The following ASB6 variants were observed in gnomAD, a reference collection of about 807,000 sequenced individuals.
ASB6 encodes the protein ankyrin repeat and SOCS box containing 6.
A neutral mutation model predicts 28.6 loss-of-function variants in ASB6; 24 were observed. The ratio of observed to expected loss-of-function variants is 0.84; its 90% confidence interval spans 0.61 to 1.18. The LOEUF (loss-of-function observed/expected upper bound fraction) is 1.18. Ranked by LOEUF, ASB6 falls within the 50% of genes most tolerant of loss-of-function variation. ASB6 has a pLI of 0.00. For missense variants in ASB6, 519 were observed against 559.8 expected, an observed-to-expected ratio of 0.93 and a Z score of 0.74; for synonymous variants, 267 against 243.4, an observed-to-expected ratio of 1.10 and a Z score of -0.90.
intron 2 of ASB6, 169 bp downstream of exon 2, chr9:129,640,372 G>T (rs1217142178): frequency 1.9e-5 from 16 of 861,926 alleles, no homozygotes; most frequent in East Asian, 6.0e-5. Context: ...AAACCCGCAG[G>T]GGGTGGGAGG....
At position 129,638,196 on chromosome 9, in the gene ASB6, T is replaced by C. The variant is rs1295848191; in HGVS notation, c.860A>G (p.Tyr287Cys). ...GGACGCACCGTGCAGGGAGCAGTTG[T>C]AGGCGGCTCCGGACTCCAGGAGGAA... ...LRFLLESGAA[Y>C]NCSLHGASCW... Residue 287 changes from tyrosine to cysteine, a missense_variant, in exon 6 of 6, where the codon TAC becomes TGC. Tyr to Cys is a radical substitution (Grantham distance 194, BLOSUM62 -2). Coordinates refer to ENST00000277458, the MANE Select transcript of ASB6 (RefSeq NM_017873.4). 11 of 1,613,564 alleles carry C rather than the reference T, an allele frequency of 6.8e-6. No individual in the cohort carries two copies. The highest frequency in any genetic ancestry group is 9.3e-6 in the Non-Finnish European group (11 of 1,179,858).
intron 1 of ASB6, among the ~76,000 whole-genome samples, chr9:129,641,534 C>T (rs1215710633): frequency 6.6e-6 from 1 of 152,234 alleles, no homozygotes; most frequent in Non-Finnish European, 1.5e-5. Flanking sequence ...AAAAGCCCAC[C>T]TTCACACTGC....
chr9:129,635,658 C>T lies in ASB6; in HGVS notation c.*2132G>A. 1.5e-6 allele frequency: 1 copy of T among 681,398 alleles called. No homozygotes were observed. Among genetic ancestry groups the T allele is most frequent in the East Asian group, 2.7e-5 (1 of 37,404 alleles). The allele number at this position is 681,398 out of a possible 1,614,324, so 42.2% of individuals were successfully genotyped here. A position where few individuals can be genotyped will look rare whatever the true frequency, so the allele number is the denominator to read the frequency against. On this transcript the variant is annotated 3_prime_UTR_variant, in exon 6 of 6. Transcript: ENST00000277458. ...ACCCGGCGGGGAGGGTGCTGCTGAA[C>T]CAGCGGTGAGGCAGGAGCCCAGACC...
rs1481523744 is a variant in ASB6 at position 129,635,208 on chromosome 9, GC to G, written c.*2581del. 1 of 1,606,856 alleles carries G rather than the reference GC, an allele frequency of 6.2e-7. No homozygotes were observed. Among genetic ancestry groups the G allele is most frequent in the Non-Finnish European group, 8.5e-7 (1 of 1,179,154 alleles). The stretch of plus-strand genomic sequence containing the variant: ...GTAACCTTGCCTCTGCCCTCCCCAG[GC>G]CACCTCACCGATCAGCACCTGGCCG... On this transcript the variant is annotated 3_prime_UTR_variant, in exon 6 of 6. Coordinates refer to ENST00000277458, the MANE Select transcript of ASB6 (RefSeq NM_017873.4).
In ASB6 at chr9:129,635,467, C is replaced by T. The variant is rs55943174; in HGVS notation, c.*2323G>A. ...TCTATAGCTTTGCCCTGAGATGAGC[C>T]GGGGCTGGCAGGAGAAACTGAGGAA... On this transcript the variant is annotated 3_prime_UTR_variant, in exon 6 of 6. Coordinates refer to ENST00000277458, the MANE Select transcript of ASB6 (RefSeq NM_017873.4). The T allele has an allele frequency of 3.9e-5, 62 of 1,603,074 alleles. No individual in the cohort carries two copies. Among genetic ancestry groups the T allele is most frequent in the Non-Finnish European group, 4.4e-5 (51 of 1,172,214 alleles).
At chr9:129,641,812 C>T in intron 1 of ASB6, 75 bp downstream of exon 1, 2 of 1,407,364 alleles carry the variant, frequency 1.4e-6, no homozygotes, top group South Asian at 1.4e-5. Context: ...TCCACCCCGC[C>T]CGGCTTGTGG....
At chr9:129,641,147 A>G (rs1296888670) in intron 1 of ASB6, 7 of 196,144 alleles carry the variant, frequency 3.6e-5, no homozygotes, top group African/African-American at 1.7e-4. Flanking sequence ...CAGGACAGCA[A>G]CACAGCCTCC....
chr9:129,641,889 G>A lies in ASB6; in HGVS notation c.111C>T (p.Asp37=), dbSNP rs1390869922. The change falls in exon 1 of 6, where the codon GAC becomes GAT. Residue 37 remains aspartate, a splice_region_variant and synonymous_variant. Transcript: ENST00000277458. ...IQDPERQESL[D]RPSYVASEES... is the part of the protein sequence containing the mutation. ...GCTCACGGGAGGGGGTGAGTTACCG[G>A]TCCAGAGACTCCTGCCGCTCGGGGT... is the stretch of plus-strand genomic sequence containing the variant. 6 of 1,595,852 alleles carry A rather than the reference G, an allele frequency of 3.8e-6. No individual in the cohort carries two copies. The highest frequency in any genetic ancestry group is 3.4e-5 in the South Asian group (3 of 88,694).
chr9:129,639,366 A>C, intron 3 of ASB6, 36 bp downstream of exon 3: 1 of 1,602,280 alleles, frequency 6.2e-7, no homozygotes, highest in Non-Finnish European at 8.5e-7. Context: ...GCCCCTGCCC[A>C]ACCCTGCTTC....
At position 129,634,935 on chromosome 9, in the gene ASB6, T is replaced by G; in HGVS notation, c.*2855A>C. ...CAAGCCTGGCAGGGGTGGGGCATCATGGTGTGTAGGTATCAGGCAGGACTT... is the reference window on the plus strand; with the variant it reads ...CAAGCCTGGCAGGGGTGGGGCATCAGGGTGTGTAGGTATCAGGCAGGACTT... On this transcript the variant is annotated 3_prime_UTR_variant, in exon 6 of 6. Transcript: ENST00000277458. The G allele has an allele frequency of 6.8e-6, 3 of 441,620 alleles. No individual in the cohort carries two copies. Among genetic ancestry groups the G allele is most frequent in the Non-Finnish European group, 1.2e-5 (3 of 243,988 alleles). The allele number at this position is 441,620 out of a possible 1,614,324, so 27.4% of individuals were successfully genotyped here. A position where few individuals can be genotyped will look rare whatever the true frequency, so the allele number is the denominator to read the frequency against.
chr9:129,638,235 A>C lies in ASB6; in HGVS notation c.821T>G (p.Phe274Cys). 3 of 1,613,544 alleles carry C rather than the reference A, an allele frequency of 1.9e-6. No individual in the cohort carries two copies. The highest frequency in any genetic ancestry group is 2.5e-6 in the Non-Finnish European group (3 of 1,179,932). The change falls in exon 6 of 6, where the codon TTC becomes TGC. Residue 274 changes from phenylalanine to cysteine, a missense_variant. Phe to Cys is a radical substitution (Grantham distance 205). Coordinates refer to ENST00000277458, the MANE Select transcript of ASB6 (RefSeq NM_017873.4). ...HICLKSFKLH[F>C]PLLRFLLESG... Reference sequence around the variant, plus strand: ...CTCCAGGAGGAAGCGCAGGAGAGGGAAGTGCAGTTTAAAGCTCTTCAGGCA... The same window carrying C: ...CTCCAGGAGGAAGCGCAGGAGAGGGCAGTGCAGTTTAAAGCTCTTCAGGCA...
Position 129,635,455 on chromosome 9 carries a change from CCT to C in ASB6, c.*2333_*2334del. The C allele has an allele frequency of 1.2e-6, 2 of 1,608,616 alleles. No individual in the cohort carries two copies. Among genetic ancestry groups the C allele is most frequent in the Non-Finnish European group, 1.7e-6 (2 of 1,176,280 alleles). ...AGATCTACCATGTCTATAGCTTTGC[CCT>C]GAGATGAGCCGGGGCTGGCAGGAGA... On this transcript the variant is annotated 3_prime_UTR_variant, in exon 6 of 6. Coordinates refer to ENST00000277458, the MANE Select transcript of ASB6 (RefSeq NM_017873.4).
chr9:129,638,518 G>A, intron 5 of ASB6, 55 bp downstream of exon 5: 1 of 1,610,912 alleles, frequency 6.2e-7, no homozygotes, highest in Non-Finnish European at 8.5e-7. Context: ...CAAAGCAACA[G>A]CACACATCGA....
In ASB6 at chr9:129,640,460, A is replaced by C. The variant is rs556489810; in HGVS notation, c.295+81T>G. 4.3e-4 allele frequency: 651 copies of C among 1,512,772 alleles called. 1 individual carries two copies. Among genetic ancestry groups the C allele is most frequent in the Non-Finnish European group, 5.1e-4 (579 of 1,134,700 alleles). 93.7% of individuals were successfully genotyped at this position (1,512,772 alleles called of 1,614,324 possible). A position where few individuals can be genotyped will look rare whatever the true frequency, so the allele number is the denominator to read the frequency against. ...AAGTCACTCCTCAGAGGATGGTAGA[A>C]GCCAAGGCTGGGGACATGGGCGCCC... On this transcript the variant is annotated intron_variant, in intron 2 of 5. Transcript: ENST00000277458.
Position 129,640,737 on chromosome 9 carries a change from A to G in ASB6, c.114-15T>C. 1 of 1,613,488 alleles carries G rather than the reference A, an allele frequency of 6.2e-7. No homozygotes were observed. The highest frequency in any genetic ancestry group is 8.5e-7 in the Non-Finnish European group (1 of 1,179,820). On this transcript the variant is annotated splice_polypyrimidine_tract_variant and intron_variant, in intron 1 of 5. Coordinates refer to ENST00000277458, the MANE Select transcript of ASB6 (RefSeq NM_017873.4). ...CATAACTGGGCCTGGGACAGGAGAGAGGCTGAGGGTAGGCACAGCTGTGGG... is the reference window on the plus strand; with the variant it reads ...CATAACTGGGCCTGGGACAGGAGAGGGGCTGAGGGTAGGCACAGCTGTGGG...
In ASB6 at chr9:129,639,257, G is replaced by A; in HGVS notation, c.456C>T (p.Pro152=). The A allele has an allele frequency of 6.2e-7, 1 of 1,612,576 alleles. No homozygotes were observed. Among genetic ancestry groups the A allele is most frequent in the African/African-American group, 1.3e-5 (1 of 75,022 alleles). Residue 152 remains proline, a synonymous_variant, in exon 4 of 6, where the codon CCC becomes CCT. Transcript: ENST00000277458. ...CAAGGTCCAGGAGGCGCTGCAGGCA[G>A]GGCAGGCGCTCAGGCTCCTCGCTGG... ...DLASEEPERL[P]CLQRLLDLGA...
At chr9:129,641,775 GT>G in intron 1 of ASB6, 111 bp downstream of exon 1, 1 of 1,150,740 alleles carries the variant, frequency 8.7e-7, no homozygotes, top group East Asian at 3.2e-5. Context: ...GCTTCCGCCC[GT>G]CCCTTCCTCT....
In ASB6 at chr9:129,640,499, C is replaced by T. The variant is rs1359964903; in HGVS notation, c.295+42G>A. On this transcript the variant is annotated intron_variant, in intron 2 of 5. Coordinates refer to ENST00000277458, the MANE Select transcript of ASB6 (RefSeq NM_017873.4). ...ACATGGGCGCCCACCCAGCGTCGGG[C>T]CGCGTTTAAGCCACCTGCCCACCCC... The T allele has an allele frequency of 1.9e-6, 3 of 1,576,672 alleles. No homozygotes were observed. The South Asian group carries it at 3.4e-5, about 18-fold the overall frequency.
At chr9:129,641,817 T>C (rs1831709482) in intron 1 of ASB6, 70 bp downstream of exon 1, 1 of 1,434,028 alleles carries the variant, frequency 7.0e-7, no homozygotes, top group Admixed American at 2.3e-5. Context: ...CCCGCCCGGC[T>C]TGTGGTGATA....
Sources: gnomAD v4.1 joint callset for allele counts (sites outside exome capture counted in the v4.1 genomes callset) on GRCh38, gnomAD v4.1.1 for gene constraint, MANE v1.5 for transcripts, NCBI Gene and HGNC (gene_info 2026-07-23, HGNC 2026-07-21) for gene names.